Variants in FHIT observed in about 807,000 individuals in gnomAD.
FHIT encodes fragile histidine triad diadenosine triphosphatase.
FHIT carries 19 observed loss-of-function variants against 17.9 expected under a neutral mutation model. The observed-to-expected ratio is 1.06, with a 90% confidence interval of 0.74 to 1.56. The LOEUF is 1.56. FHIT is among the 40% of genes most tolerant of loss of function. The pLI is 0.00. For missense variants in FHIT, 248 were observed against 189.2 expected (o/e 1.31, Z -1.82); for synonymous variants, 81 against 69.7 (o/e 1.16, Z -0.81).
intron 5 of FHIT, among the ~76,000 whole-genome samples, chr3:60,178,623 T>A (rs1216610885): frequency 6.6e-6 from 1 of 152,068 alleles, no homozygotes; most frequent in African/African-American, 2.4e-5. Context: ...AGCACAGATA[T>A]GTCAAGTCAG....
chr3:60,236,241 A>C (rs1019528385), intron 5 of FHIT, among the ~76,000 whole-genome samples: 1 of 150,624 alleles, frequency 6.6e-6, no homozygotes, highest in African/African-American at 2.5e-5. Flanking sequence ...GTAACAATAA[A>C]AAGTAATTTA....
At chr3:60,472,843 G>T (rs959865573) in intron 5 of FHIT, among the ~76,000 whole-genome samples, 1 of 152,088 alleles carries the variant, frequency 6.6e-6, no homozygotes, top group Non-Finnish European at 1.5e-5. Flanking sequence ...AGTTGGGGGT[G>T]GGGGTGGAGA....
At chr3:60,842,306 C>T (rs1702747349) in intron 3 of FHIT, among the ~76,000 whole-genome samples, 1 of 151,698 alleles carries the variant, frequency 6.6e-6, no homozygotes, top group African/African-American at 2.4e-5. Flanking sequence ...ATGTAAACTC[C>T]TAATGAGACC....
chr3:60,171,351 A>T (rs1446473901), intron 5 of FHIT, among the ~76,000 whole-genome samples: 2 of 152,284 alleles, frequency 1.3e-5, no homozygotes, highest in South Asian at 2.1e-4. Flanking sequence ...AGGAAGGTTT[A>T]TGTGTACTTG....
At chr3:61,178,148 T>C (rs4688310) in intron 2 of FHIT, among the ~76,000 whole-genome samples, 3 of 151,864 alleles carry the variant, frequency 2.0e-5, no homozygotes, top group Non-Finnish European at 4.4e-5. Context: ...AATTATAAAA[T>C]GGAATGATAA....
intron 2 of FHIT, among the ~76,000 whole-genome samples, chr3:61,172,449 GGTT>G (rs2038032494): frequency 1.3e-5 from 2 of 152,174 alleles, no homozygotes; most frequent in Non-Finnish European, 2.9e-5. Flanking sequence ...GACACACAAT[GGTT>G]ACTGCCCAGA....
At chr3:60,293,420 G>C (rs566994178) in intron 5 of FHIT, among the ~76,000 whole-genome samples, 1 of 152,122 alleles carries the variant, frequency 6.6e-6, no homozygotes, top group Non-Finnish European at 1.5e-5. Context: ...AAATATTCCA[G>C]TTATGGCTTC....
chr3:60,465,882 T>C (rs184062366), intron 5 of FHIT, among the ~76,000 whole-genome samples: 48 of 152,162 alleles, frequency 3.2e-4, no homozygotes, highest in Middle Eastern at 3.4e-3. Context: ...TTTTGTGGTA[T>C]TATGTAAATG....
chr3:60,649,687 T>G (rs562101666), intron 4 of FHIT, among the ~76,000 whole-genome samples: 18 of 152,302 alleles, frequency 1.2e-4, no homozygotes, highest in Non-Finnish European at 1.8e-4. Flanking sequence ...TGCATATTAA[T>G]CAAGCTTATT....
intron 5 of FHIT, among the ~76,000 whole-genome samples, chr3:60,354,026 C>G (rs149734862): frequency 1.3e-5 from 2 of 152,006 alleles, no homozygotes; most frequent in Non-Finnish European, 2.9e-5. Context: ...TAGGATTTTT[C>G]TATCACGATG....
chr3:59,942,038 C>A (rs2107270565), intron 7 of FHIT, among the ~76,000 whole-genome samples: 1 of 152,318 alleles, frequency 6.6e-6, no homozygotes, highest in South Asian at 2.1e-4. Flanking sequence ...GAACTGGAAT[C>A]ATCTCACGAT....
intron 4 of FHIT, among the ~76,000 whole-genome samples, chr3:60,544,148 A>G (rs242186): frequency 0.95 from 144,000 of 151,714 alleles, 68,412 homozygotes; most frequent in East Asian, 1. Context: ...TTTCTTTGTC[A>G]TACTGCATTG....
chr3:60,137,303 T>C (rs115547683), intron 5 of FHIT, among the ~76,000 whole-genome samples: 1,674 of 152,302 alleles, frequency 0.011, 25 homozygotes, highest in African/African-American at 0.037. Flanking sequence ...CCTTTCATAA[T>C]GCAAAGTGAA....
At chr3:60,407,516 C>T (rs941267803) in intron 5 of FHIT, among the ~76,000 whole-genome samples, 1 of 151,956 alleles carries the variant, frequency 6.6e-6, no homozygotes, top group Non-Finnish European at 1.5e-5. Context: ...AATGTACATA[C>T]TATATTTTTT....
intron 5 of FHIT, among the ~76,000 whole-genome samples, chr3:60,121,992 C>A (rs1001004709): frequency 1.3e-5 from 2 of 152,084 alleles, no homozygotes; most frequent in African/African-American, 4.8e-5. Context: ...TAAGTATAAT[C>A]TGCTTTCCTA....
intron 4 of FHIT, among the ~76,000 whole-genome samples, chr3:60,602,144 T>C (rs1011594123): frequency 6.6e-6 from 1 of 152,156 alleles, no homozygotes; most frequent in Non-Finnish European, 1.5e-5. Flanking sequence ...AAAACATTTA[T>C]CTAAAGTGAA....
intron 3 of FHIT, among the ~76,000 whole-genome samples, chr3:60,922,123 T>C (rs984160571): frequency 3.9e-5 from 6 of 152,062 alleles, no homozygotes. Context: ...AATAAATAAA[T>C]AAGCTCACCT....
intron 4 of FHIT, among the ~76,000 whole-genome samples, chr3:60,806,523 C>T (rs1325827186): frequency 2.6e-5 from 4 of 152,156 alleles, no homozygotes; most frequent in Non-Finnish European, 4.4e-5. Flanking sequence ...TTGACTTTTT[C>T]ACATTGTTTT....
intron 2 of FHIT, among the ~76,000 whole-genome samples, chr3:61,044,506 A>C (rs1366902148): frequency 1.3e-5 from 2 of 152,122 alleles, no homozygotes; most frequent in African/African-American, 4.8e-5. Flanking sequence ...TCTACATCTG[A>C]TTGGTGTACC....
Sources: gnomAD v4.1 joint callset for allele counts (sites outside exome capture counted in the v4.1 genomes callset) on GRCh38, gnomAD v4.1.1 for gene constraint, MANE v1.5 for transcripts, NCBI Gene and HGNC (gene_info 2026-07-23, HGNC 2026-07-21) for gene names.